Variants in KIDINS220 observed in about 807,000 individuals in gnomAD.
The protein encoded by KIDINS220 is kinase D interacting substrate 220.
A neutral mutation model predicts 157.6 loss-of-function variants in KIDINS220; 63 were observed. The observed-to-expected ratio is 0.40, with a 90% CI of 0.33 to 0.49. The LOEUF is 0.49. KIDINS220 is among the 20% of genes least tolerant of loss of function. The pLI, the probability that KIDINS220 is intolerant of heterozygous loss-of-function variation, is 0.66. For synonymous variants in KIDINS220, 732 were observed against 783.6 expected (o/e 0.93, Z 1.10); for missense variants, 1,772 against 2,171.2 (o/e 0.82, Z 3.65).
At chr2:8,727,264 G>A, downstream of KIDINS220, 1 of 1,067,254 alleles carries the variant, frequency 9.4e-7, no homozygotes, top group Non-Finnish European at 1.1e-6. Context: ...GTGTCGGCGT[G>A]CGCCTGGAAG....
chr2:8,815,071 C>T (rs967932500), intron 4 of KIDINS220, among the ~76,000 whole-genome samples: 1 of 152,066 alleles, frequency 6.6e-6, no homozygotes. Context: ...AAATACTTGC[C>T]CAGAACTTTT....
chr2:8,743,944 T>C (rs1223964908), intron 26 of KIDINS220, among the ~76,000 whole-genome samples: 1 of 151,868 alleles, frequency 6.6e-6, no homozygotes, highest in Non-Finnish European at 1.5e-5. Context: ...TAACCTGGTT[T>C]CACAAGATTT....
chr2:8,727,025 T>C, downstream of KIDINS220: 1 of 1,074,116 alleles, frequency 9.3e-7, no homozygotes, highest in East Asian at 5.9e-5. Context: ...TCAACCTTTG[T>C]GATAAGCCAT....
intron 2 of KIDINS220, among the ~76,000 whole-genome samples, chr2:8,824,688 A>G (rs1421546812): frequency 6.6e-6 from 1 of 152,172 alleles, no homozygotes; most frequent in Non-Finnish European, 1.5e-5. Context: ...TAAAAACAAA[A>G]AACACAAGCA....
At chr2:8,728,743 C>G (rs905291564), downstream of KIDINS220, 1 of 538,484 alleles carries the variant, frequency 1.9e-6, no homozygotes, top group South Asian at 8.1e-5. Flanking sequence ...CTGGGACTTA[C>G]GAGCCACATT....
At chr2:8,831,888 A>G (rs1303703048) in intron 1 of KIDINS220, among the ~76,000 whole-genome samples, 1 of 152,252 alleles carries the variant, frequency 6.6e-6, no homozygotes, top group African/African-American at 2.4e-5. Context: ...CTCTGGAATC[A>G]TATCTGAACA....
At chr2:8,750,495 A>G (rs780848405) in intron 23 of KIDINS220, among the ~76,000 whole-genome samples, 160 bp from the exon 24 acceptor site, 22 of 151,910 alleles carry the variant, frequency 1.4e-4, no homozygotes, top group Non-Finnish European at 3.2e-4. Context: ...AATCTTGAAA[A>G]CTCACAGGCC....
intron 22 of KIDINS220, chr2:8,757,794 T>C: frequency 1.2e-6 from 2 of 1,603,430 alleles, no homozygotes; most frequent in Middle Eastern, 1.7e-4. Flanking sequence ...GCATCTGTGT[T>C]TGAATAATAA....
At chr2:8,829,342 G>A (rs1280129101) in intron 1 of KIDINS220, among the ~76,000 whole-genome samples, 4 of 152,010 alleles carry the variant, frequency 2.6e-5, no homozygotes, top group Admixed American at 2.0e-4. Context: ...TTACTTTTAG[G>A]GAGTATATAT....
chr2:8,823,029 G>C (rs773304788), intron 2 of KIDINS220, among the ~76,000 whole-genome samples: 1 of 152,126 alleles, frequency 6.6e-6, no homozygotes, highest in Non-Finnish European at 1.5e-5. Flanking sequence ...AGGCTGAAGT[G>C]TAGTGGTGCA....
In KIDINS220 at chr2:8,730,916, T is replaced by G; in HGVS notation, c.5120A>C (p.Glu1707Ala). ...AGGCCTCAAAATGACTTGAGAAGTC[T>G]CCCTAATTCCCTCCATCTCATCGAA... The part of the protein sequence containing the change: ...QNFDEMEGIR[E>A]TSQVILRPSS... The change falls in exon 30 of 30, where the codon GAG becomes GCG. Residue 1707 changes from glutamate (E) to alanine (A), a missense_variant. Physicochemically the swap from Glu to Ala is moderately radical, Grantham distance 107. Around this residue, in one of 3 missense-constraint regions of KIDINS220, gnomAD observed 793 missense variants for 885.5 expected, o/e 0.90. Transcript: ENST00000256707. 6.2e-7 allele frequency: 1 copy of G among 1,614,204 alleles called. No individual in the cohort carries two copies. The highest frequency in any genetic ancestry group is 2.2e-5 in the East Asian group (1 of 44,890).
intron 15 of KIDINS220, among the ~76,000 whole-genome samples, chr2:8,788,431 C>T (rs887825366): frequency 1.3e-5 from 2 of 152,012 alleles, no homozygotes; most frequent in East Asian, 1.9e-4. Flanking sequence ...ATGACGCCCC[C>T]GCTAATTTTG....
chr2:8,741,444 G>A (rs1007790255), intron 26 of KIDINS220, among the ~76,000 whole-genome samples: 12 of 152,062 alleles, frequency 7.9e-5, no homozygotes, highest in African/African-American at 2.2e-4. Flanking sequence ...TTCACTGTGC[G>A]GTGGTGCACG....
intron 17 of KIDINS220, among the ~76,000 whole-genome samples, chr2:8,784,035 A>G (rs1385993602): frequency 6.6e-6 from 1 of 152,194 alleles, no homozygotes; most frequent in African/African-American, 2.4e-5. Flanking sequence ...AGCTAGAGTA[A>G]TCAAACAGTG....
chr2:8,770,404 T>C (rs1037947924), intron 22 of KIDINS220, among the ~76,000 whole-genome samples: 1 of 152,128 alleles, frequency 6.6e-6, no homozygotes, highest in Non-Finnish European at 1.5e-5. Context: ...AGATCCTGTT[T>C]CTAAAAAATT....
chr2:8,786,555 A>G (rs919572780), intron 15 of KIDINS220, among the ~76,000 whole-genome samples, 198 bp from the exon 16 acceptor site: 4 of 152,200 alleles, frequency 2.6e-5, no homozygotes, highest in African/African-American at 9.7e-5. Flanking sequence ...TTTCTTAGGA[A>G]AAAACAGTAA....
Position 8,837,552 on chromosome 2 carries a change from G to A in KIDINS220, c.-109C>T, listed in dbSNP as rs1680614810. The A allele has an allele frequency of 6.6e-6, 1 of 152,414 alleles. No homozygotes were observed. The allele number at this position is 152,414 out of a possible 1,614,324, so 9.4% of individuals were successfully genotyped here. ...TCAGAGGACGGGGAAGCAAGAGACG[G>A]CGACTGCAAGCGCGTCGCCCTCACC... On this transcript the variant is annotated 5_prime_UTR_variant, in exon 1 of 30. Coordinates refer to ENST00000256707, the MANE Select transcript of KIDINS220 (RefSeq NM_020738.4).
At position 8,747,117 on chromosome 2, in the gene KIDINS220, G is replaced by A. The variant is rs201062474; in HGVS notation, c.3585+28C>T. ...GAGGCAGAAGCAATGAGATGCCAGCGATCCACACCACAGGACTACTCCATT... is the reference window on the plus strand; with the variant it reads ...GAGGCAGAAGCAATGAGATGCCAGCAATCCACACCACAGGACTACTCCATT... On this transcript the variant is annotated intron_variant, in intron 26 of 29. Coordinates refer to ENST00000256707, the MANE Select transcript of KIDINS220 (RefSeq NM_020738.4). The A allele has an allele frequency of 9.3e-6, 15 of 1,605,090 alleles. No individual in the cohort carries two copies. The Admixed American group carries it at 1.2e-4, about 12-fold the overall frequency.
chr2:8,730,312 T>C lies in KIDINS220; in HGVS notation c.*408A>G. On this transcript the variant is annotated 3_prime_UTR_variant, in exon 30 of 30. Transcript: ENST00000256707. ...GAGCAGGGTTTGCTTCTGCTTCACCTAACGCCACGTCTTCCCTCAAATGTG... is the reference window on the plus strand; with the variant it reads ...GAGCAGGGTTTGCTTCTGCTTCACCCAACGCCACGTCTTCCCTCAAATGTG... 3.0e-6 allele frequency: 3 copies of C among 1,005,244 alleles called. No homozygotes were observed. Among genetic ancestry groups the C allele is most frequent in the Non-Finnish European group, 3.6e-6 (3 of 842,936 alleles). The allele number at this position is 1,005,244 out of a possible 1,614,324, so 62.3% of individuals were successfully genotyped here.
Sources: gnomAD v4.1 joint callset for allele counts (sites outside exome capture counted in the v4.1 genomes callset) on GRCh38, gnomAD v4.1.1 for gene constraint, gnomAD v4.1.1 regional missense constraint, MANE v1.5 for transcripts, NCBI Gene and HGNC (gene_info 2026-07-23, HGNC 2026-07-21) for gene names.